Variants in DNAJC2 observed in about 807,000 individuals in gnomAD.
DNAJC2 encodes the protein dnaJ homolog subfamily C member 2.
Under a neutral mutation model 94.0 loss-of-function variants are expected in DNAJC2, and 32 were observed. The observed-to-expected ratio is 0.34, with a 90% CI of 0.26 to 0.46. The LOEUF (loss-of-function observed/expected upper bound fraction) is 0.46. Among genes scored for constraint, DNAJC2 ranks in the 20% least tolerant of loss-of-function variants. DNAJC2 has a pLI of 1.00. For synonymous variants in DNAJC2, 210 were observed against 229.7 expected (o/e 0.91, Z 0.77); for missense variants, 550 against 719.5 (o/e 0.76, Z 2.69).
In DNAJC2 at chr7:103,312,581, T is replaced by C. The variant is rs1227701174; in HGVS notation, c.1854A>G (p.Arg618=). The C allele has an allele frequency of 1.2e-6, 2 of 1,612,876 alleles. No homozygotes were observed. Among genetic ancestry groups the C allele is most frequent in the Non-Finnish European group, 1.7e-6 (2 of 1,179,646 alleles). ...AAQEQVLNAS[R]AKK Reference sequence around the variant, plus strand: ...ACAACAAAGATTGTCATTTCTTGGCTCTACTTGCATTCAGCACTTGTTCTT... The same window carrying C: ...ACAACAAAGATTGTCATTTCTTGGCCCTACTTGCATTCAGCACTTGTTCTT... The change falls in exon 17 of 17, where the codon AGA becomes AGG. Residue 618 remains arginine, a synonymous_variant. Transcript: ENST00000379263.
intron 3 of DNAJC2, among the ~76,000 whole-genome samples, chr7:103,330,618 A>AT (rs1818926668): frequency 6.6e-6 from 1 of 151,526 alleles, no homozygotes; most frequent in Non-Finnish European, 1.5e-5. Flanking sequence ...CGCCCGGCTA[A>AT]TTTTTATATT....
intron 1 of DNAJC2, 44 bp downstream of exon 1, chr7:103,344,513 AGG>A (rs1385381488): frequency 6.2e-7 from 1 of 1,607,458 alleles, no homozygotes; most frequent in Admixed American, 1.7e-5. Context: ...GGACTGAGGC[AGG>A]GGCAGCTGAG....
intron 2 of DNAJC2, 52 bp from the exon 3 acceptor site, chr7:103,337,863 C>A: frequency 7.5e-7 from 1 of 1,335,388 alleles, no homozygotes; most frequent in Non-Finnish European, 1.1e-6. Context: ...CCAATATATT[C>A]CATCCCTTGT....
chr7:103,332,697 A>C (rs181088719), intron 3 of DNAJC2, among the ~76,000 whole-genome samples: 17 of 151,850 alleles, frequency 1.1e-4, no homozygotes, highest in African/African-American at 3.6e-4. Flanking sequence ...TGGTGTGATC[A>C]CGGCTCACTG....
intron 2 of DNAJC2, among the ~76,000 whole-genome samples, chr7:103,338,885 G>A (rs1303507054): frequency 6.6e-6 from 1 of 152,034 alleles, no homozygotes; most frequent in African/African-American, 2.4e-5. Flanking sequence ...ACTCCAGCCT[G>A]GGCAACAGAG....
intron 3 of DNAJC2, 144 bp downstream of exon 3, chr7:103,337,592 G>GT: frequency 1.6e-6 from 1 of 636,568 alleles, no homozygotes; most frequent in East Asian, 3.0e-5. Flanking sequence ...GGAGACCGTG[G>GT]TTTTTTGCTT....
chr7:103,316,684 T>C, intron 13 of DNAJC2, 146 bp downstream of exon 13: 1 of 657,086 alleles, frequency 1.5e-6, no homozygotes, highest in Non-Finnish European at 2.6e-6. Context: ...AGCTTCAAAA[T>C]GCACCTCACT....
intron 15 of DNAJC2, 66 bp from the exon 16 acceptor site, chr7:103,313,167 C>T (rs528512374): frequency 1.3e-6 from 2 of 1,515,918 alleles, no homozygotes; most frequent in African/African-American, 1.4e-5. Context: ...TCTTGTGGTC[C>T]ACAAGTATTC....
In DNAJC2 at chr7:103,317,045, A is replaced by T. The variant is rs770243930; in HGVS notation, c.1243-31T>A. 3.2e-6 allele frequency: 5 copies of T among 1,570,962 alleles called. No individual in the cohort carries two copies. In the South Asian group the frequency reaches 4.5e-5, roughly 14 times the overall value. On this transcript the variant is annotated intron_variant, in intron 12 of 16. Transcript: ENST00000379263. ...CAAATATCATAAGTCAGGGACTTAG[A>T]AGTATACTGTATTGCTATTCTACAC...
chr7:103,317,149 C>T, intron 12 of DNAJC2, 135 bp from the exon 13 acceptor site: 1 of 758,074 alleles, frequency 1.3e-6, no homozygotes, highest in Non-Finnish European at 2.1e-6. Context: ...CTCAGGCCAA[C>T]CCAAAAAGAA....
At chr7:103,337,968 T>C (rs142739121) in intron 2 of DNAJC2, among the ~76,000 whole-genome samples, 157 bp from the exon 3 acceptor site, 6 of 152,106 alleles carry the variant, frequency 3.9e-5, no homozygotes, top group Admixed American at 2.0e-4. Context: ...TCAGGTAAGG[T>C]TGAGAAATGT....
chr7:103,313,564 C>CT (rs2115747098), intron 15 of DNAJC2: 1 of 981,318 alleles, frequency 1.0e-6, no homozygotes, highest in African/African-American at 1.7e-5. Context: ...TTGTTTTACA[C>CT]TGAAGGAAAC....
intron 15 of DNAJC2, chr7:103,314,557 A>T: frequency 1.0e-6 from 1 of 985,298 alleles, no homozygotes; most frequent in Non-Finnish European, 1.2e-6. Context: ...GTGTGCTAAT[A>T]CCTGTTGTAT....
At chr7:103,314,439 C>T (rs1817931533) in intron 15 of DNAJC2, 1 of 985,282 alleles carries the variant, frequency 1.0e-6, no homozygotes, top group South Asian at 4.7e-5. Context: ...GCCAGTCACT[C>T]TTGCCTTCAC....
chr7:103,313,088 G>A lies in DNAJC2; in HGVS notation c.1650C>T (p.Asp550=). Residue 550 remains aspartate, a synonymous_variant, in exon 16 of 17, where the codon GAC becomes GAT. Transcript: ENST00000379263. ...GTTCTTCTGTTGTCCAAGGGGTGAAGTCTGTATATGGACCTGATTAAGAAA... is the reference window on the plus strand; with the variant it reads ...GTTCTTCTGTTGTCCAAGGGGTGAAATCTGTATATGGACCTGATTAAGAAA... ...PSERFEGPYT[D]FTPWTTEEQK... is the part of the protein sequence containing the mutation. The A allele has an allele frequency of 1.9e-6, 3 of 1,612,198 alleles. No individual in the cohort carries two copies. Among genetic ancestry groups the A allele is most frequent in the Non-Finnish European group, 2.5e-6 (3 of 1,179,488 alleles).
chr7:103,329,076 C>G (rs1412502429), intron 3 of DNAJC2: 2 of 989,324 alleles, frequency 2.0e-6, no homozygotes, highest in East Asian at 1.4e-4. Context: ...GTGATTATCG[C>G]TGGTGGTCAA....
In DNAJC2 at chr7:103,336,769, T is replaced by TGCCA. The variant is rs200342359; in HGVS notation, c.331+963_331+966dup. On this transcript the variant is annotated intron_variant, in intron 3 of 16. Coordinates refer to ENST00000379263, the MANE Select transcript of DNAJC2 (RefSeq NM_014377.3). ...TTACCATATGCTTTGTCTAGACTCATGCCAGCCTTTAAACAAATCCAGTTT... is the reference window on the plus strand; with the variant it reads ...TTACCATATGCTTTGTCTAGACTCATGCCAGCCAGCCTTTAAACAAATCCAGTTT... 573 of 152,366 alleles carry TGCCA rather than the reference T, an allele frequency of 3.8e-3. 4 individuals are homozygous for TGCCA. Among genetic ancestry groups the TGCCA allele is most frequent in the African/African-American group, 0.014 (564 of 41,596 alleles). The allele number at this position is 152,366 out of a possible 1,614,324, so 9.4% of individuals were successfully genotyped here.
chr7:103,312,824 C>G (rs1817827356), intron 16 of DNAJC2, 123 bp downstream of exon 16: 2 of 1,520,498 alleles, frequency 1.3e-6, no homozygotes, highest in African/African-American at 2.8e-5. Flanking sequence ...AATATTGACC[C>G]CATAACTACT....
At chr7:103,331,210 G>A (rs1394299118) in intron 3 of DNAJC2, among the ~76,000 whole-genome samples, 1 of 151,944 alleles carries the variant, frequency 6.6e-6, no homozygotes, top group South Asian at 2.1e-4. Flanking sequence ...CGCCTGCCTC[G>A]GCCTCCCAAA....
Sources: allele counts gnomAD v4.1 joint callset (sites outside exome capture counted in the v4.1 genomes callset), GRCh38; gene constraint gnomAD v4.1.1; transcripts MANE v1.5; gene names NCBI Gene and HGNC (gene_info 2026-07-23, HGNC 2026-07-21).